The following CHRNB4 variants were observed in gnomAD, a reference collection of about 807,000 sequenced individuals.
CHRNB4 encodes the protein cholinergic receptor nicotinic beta 4 subunit.
Under a neutral mutation model 40.4 loss-of-function variants are expected in CHRNB4, and 23 were observed. That is an observed-to-expected ratio of 0.57 (90% CI 0.41 to 0.81). The LOEUF (loss-of-function observed/expected upper bound fraction) is 0.81, where lower values mean the gene tolerates loss of function less well. CHRNB4 is among the 30% of genes least tolerant of loss of function. The pLI, the probability that CHRNB4 is intolerant of heterozygous loss-of-function variation, is 0.00. For missense variants in CHRNB4, 568 were observed against 670.6 expected (o/e 0.85, Z 1.69); for synonymous variants, 285 against 274.4 (o/e 1.04, Z -0.38).
At chr15:78,644,693 TG>T (rs1233141235), upstream of CHRNB4, among the ~76,000 whole-genome samples, 1 of 152,218 alleles carries the variant, frequency 6.6e-6, no homozygotes, top group Non-Finnish European at 1.5e-5. Context: ...ATATTATGAA[TG>T]GGAGGACTCA....
intron 7 of CHRNB4, among the ~76,000 whole-genome samples, chr15:78,647,046 G>A (rs886771434): frequency 4.6e-5 from 7 of 151,994 alleles, no homozygotes; most frequent in African/African-American, 1.2e-4. Context: ...AGGCTGAGGC[G>A]GGAGGATCAC....
chr15:78,642,819 A>G (rs2054092681), upstream of CHRNB4, among the ~76,000 whole-genome samples: 2 of 152,234 alleles, frequency 1.3e-5, no homozygotes, highest in South Asian at 4.1e-4. Flanking sequence ...CAAGGAAAAC[A>G]CATTATAGAA....
chr15:78,645,480 T>G (rs1450853702), upstream of CHRNB4, among the ~76,000 whole-genome samples: 1 of 152,046 alleles, frequency 6.6e-6, no homozygotes, highest in Non-Finnish European at 1.5e-5. Flanking sequence ...AAATCTTGAG[T>G]GCATTTTAAA....
In CHRNB4 at chr15:78,650,311, C is replaced by A. The variant is rs537690604; in HGVS notation, c.-15-872G>T. The stretch of plus-strand genomic sequence containing the variant: ...GATGGAGTTAGCAGCCTGGGACCTG[C>A]CACAAATGACAGCAGGAGTCAGAGC... On this transcript the variant is annotated intron_variant and NMD_transcript_variant, in intron 6 of 11. Coordinates refer to the CHRNB4 transcript ENST00000559849. Among the ~76,000 whole-genome samples the A allele has an allele frequency of 3.2e-4, 49 of 152,270 alleles. 1 individual carries two copies. The South Asian group carries it at 0.01, about 32-fold the overall frequency.
At chr15:78,652,690 G>A (rs2054183322) in intron 5 of CHRNB4, 1 of 152,214 alleles carries the variant, frequency 6.6e-6, no homozygotes, top group African/African-American at 2.4e-5. Context: ...GGTAATGAAG[G>A]TAGTGAGCTC....
intron 5 of CHRNB4, chr15:78,626,067 C>T (rs1040584677): frequency 3.3e-5 from 5 of 152,372 alleles, no homozygotes; most frequent in East Asian, 1.9e-4. Context: ...CTGGCAGAGA[C>T]GGGCTGGATC....
At chr15:78,630,450 T>C (rs1329779958) in intron 4 of CHRNB4, among the ~76,000 whole-genome samples, 1 of 152,200 alleles carries the variant, frequency 6.6e-6, no homozygotes, top group East Asian at 1.9e-4. Flanking sequence ...TCAAGCACTC[T>C]TAAGGCTTCC....
intron 6 of CHRNB4, among the ~76,000 whole-genome samples, chr15:78,650,382 C>A (rs2054162481): frequency 6.6e-6 from 1 of 152,144 alleles, no homozygotes; most frequent in South Asian, 2.1e-4. Flanking sequence ...TCATGGTGTC[C>A]AAGGATTCAT....
Position 78,624,531 on chromosome 15 carries a change from G to C in CHRNB4, c.*602C>G, listed in dbSNP as rs144618063. On this transcript the variant is annotated 3_prime_UTR_variant, in exon 6 of 6. Coordinates refer to ENST00000261751, the MANE Select transcript of CHRNB4 (RefSeq NM_000750.5). ...TGTAATCCTAGCACTTTGGGAGGCC[G>C]AGGCAGGTGGGTCATTTGAGGTCAG... 6.4e-6 allele frequency: 1 copy of C among 156,268 alleles called. No homozygotes were observed. The highest frequency in any genetic ancestry group is 1.4e-5 in the Non-Finnish European group (1 of 71,010). 9.7% of individuals were successfully genotyped at this position (156,268 alleles called of 1,614,324 possible).
At chr15:78,655,333 C>G (rs1237779401) in intron 5 of CHRNB4, among the ~76,000 whole-genome samples, 1 of 151,408 alleles carries the variant, frequency 6.6e-6, no homozygotes, top group African/African-American at 2.4e-5. Flanking sequence ...CTCCCAGCCT[C>G]CCTATCCTAG....
chr15:78,658,966 G>C (rs756925270), intron 1 of CHRNB4, among the ~76,000 whole-genome samples: 43 of 152,188 alleles, frequency 2.8e-4, no homozygotes, highest in Admixed American at 5.9e-4. Flanking sequence ...CAGAAAGGAG[G>C]GTGAAGAGTA....
chr15:78,633,411 A>C (rs1365412297), intron 2 of CHRNB4, among the ~76,000 whole-genome samples: 1 of 152,116 alleles, frequency 6.6e-6, no homozygotes, highest in Non-Finnish European at 1.5e-5. Flanking sequence ...TCTCCACCAT[A>C]CCTAGAGTGT....
intron 2 of CHRNB4, among the ~76,000 whole-genome samples, chr15:78,635,190 C>T (rs1197606547): frequency 6.6e-6 from 1 of 152,158 alleles, no homozygotes; most frequent in Non-Finnish European, 1.5e-5. Flanking sequence ...CTACAGCAGG[C>T]CCATTGGCTG....
In CHRNB4 at chr15:78,629,810, C is replaced by A. The variant is rs752396860; in HGVS notation, c.495G>T (p.Gln165His). Residue 165 changes from glutamine (Q) to histidine (H), a missense_variant, in exon 5 of 6, where the codon CAG (glutamine) becomes CAT (histidine). Transcript: ENST00000261751. The surrounding 1 kb of genome is among the most constrained non-coding windows in gnomAD (Gnocchi z 6.8). ...AGGAGCGGAACTTGAGGGTGCAGTT[C>A]TGCTGGTCGAAGGGAAAGTACTTCA... ...IEVKYFPFDQQNCTLKFRSWT... is the reference protein window; with the variant it reads ...IEVKYFPFDQHNCTLKFRSWT... 3 of 1,614,024 alleles carry A rather than the reference C, an allele frequency of 1.9e-6. No homozygotes were observed. Among genetic ancestry groups the A allele is most frequent in the South Asian group, 1.1e-5 (1 of 91,084 alleles).
intron 2 of CHRNB4, chr15:78,634,482 T>A: frequency 3.1e-6 from 1 of 324,332 alleles, no homozygotes; most frequent in Non-Finnish European, 6.2e-6. Context: ...CTCCCCATCC[T>A]GGGGCTGTGC....
chr15:78,635,606 A>G lies in CHRNB4; in HGVS notation c.56-19T>C. On this transcript the variant is annotated intron_variant, in intron 1 of 5. Coordinates refer to ENST00000261751, the MANE Select transcript of CHRNB4 (RefSeq NM_000750.5). ...CAGTTCCCTGAGAAAACACACAGTC[A>G]GACCTGCTGGGCCCTTGTGCACCTG... 1 of 1,613,580 alleles carries G rather than the reference A, an allele frequency of 6.2e-7. No individual in the cohort carries two copies. The highest frequency in any genetic ancestry group is 8.5e-7 in the Non-Finnish European group (1 of 1,179,656).
upstream of CHRNB4, among the ~76,000 whole-genome samples, chr15:78,645,051 C>T (rs550694716): frequency 5.3e-5 from 8 of 152,188 alleles, no homozygotes; most frequent in South Asian, 1.7e-3. Context: ...GTAAGGGACT[C>T]ACCTGCAAAT....
chr15:78,646,957 A>C (rs1844626419), intron 7 of CHRNB4, among the ~76,000 whole-genome samples: 1 of 152,066 alleles, frequency 6.6e-6, no homozygotes, highest in African/African-American at 2.4e-5. Context: ...CCTGGGTGAC[A>C]TAACAAGACC....
intron 5 of CHRNB4, among the ~76,000 whole-genome samples, chr15:78,655,202 T>C (rs1411763581): frequency 4.6e-5 from 7 of 151,874 alleles, no homozygotes; most frequent in African/African-American, 1.7e-4. Flanking sequence ...AACACAATTA[T>C]ACAGTACATA....
Sources: allele counts gnomAD v4.1 joint callset (sites outside exome capture counted in the v4.1 genomes callset), GRCh38; gene constraint gnomAD v4.1.1; non-coding constraint Gnocchi (gnomAD v3.1); transcripts MANE v1.5; gene names NCBI Gene and HGNC (gene_info 2026-07-23, HGNC 2026-07-21).